The following DSG4 variants were observed in gnomAD, a reference collection of about 807,000 sequenced individuals.
DSG4 encodes the protein desmoglein-4.
Under a neutral mutation model 93.1 loss-of-function variants are expected in DSG4, and 87 were observed. The observed-to-expected ratio is 0.93, with a 90% confidence interval of 0.79 to 1.12. The LOEUF (loss-of-function observed/expected upper bound fraction) is 1.12, where lower values mean the gene tolerates loss of function less well. DSG4 is among the 50% of genes most tolerant of loss of function. The pLI is 0.00. For missense variants in DSG4, 1,373 were observed against 1,285.7 expected, an observed-to-expected ratio of 1.07 and a Z score of -1.04; for synonymous variants, 432 against 452.9, an observed-to-expected ratio of 0.95 and a Z score of 0.59.
At chr18:31,391,898 A>AAAAT (rs964472596) in intron 7 of DSG4, among the ~76,000 whole-genome samples, 25 of 152,230 alleles carry the variant, frequency 1.6e-4, no homozygotes, top group Non-Finnish European at 1.9e-4. Flanking sequence ...ACAATAAGCA[A>AAAAT]AAATAAATAA....
In DSG4 at chr18:31,379,801, AT is replaced by A. The variant is rs1273324082; in HGVS notation, c.48+2845del. 2.0e-5 allele frequency among the ~76,000 whole-genome samples: 3 copies of A among 152,308 alleles called. No individual in the cohort carries two copies. The East Asian group carries it at 5.8e-4, about 29-fold the overall frequency. On this transcript the variant is annotated intron_variant, in intron 1 of 15. Coordinates refer to ENST00000308128, the MANE Select transcript of DSG4 (RefSeq NM_177986.5). ...TGTTATTCTGAAACATGGAACAGAA[AT>A]TTGTTTCTATTTACTTGTCAGGCAG... is the stretch of plus-strand genomic sequence containing the variant.
chr18:31,406,238 G>A lies in DSG4; in HGVS notation c.1798G>A (p.Ala600Thr). ...CAACCACATGTGCCTGGACTCTGGT[G>A]CCGCGGGCATCTACACAGAGGACAT... ...DDNHMCLDSG[A>T]AGIYTEDITG... is the part of the protein sequence containing the mutation. Residue 600 changes from alanine (A) to threonine (T), a missense_variant, in exon 12 of 16, where the codon GCC becomes ACC. Transcript: ENST00000308128. 1 of 1,613,466 alleles carries A rather than the reference G, an allele frequency of 6.2e-7. No homozygotes were observed. Among genetic ancestry groups the A allele is most frequent in the Non-Finnish European group, 8.5e-7 (1 of 1,179,826 alleles).
At chr18:31,407,226 TGGGAGCCAGC>T in intron 12 of DSG4, among the ~76,000 whole-genome samples, 1 of 152,186 alleles carries the variant, frequency 6.6e-6, no homozygotes, top group East Asian at 1.9e-4. Flanking sequence ...AAAGGGAGTC[TGGGAGCCAGC>T]ATGGAGGCAT....
At chr18:31,398,543 T>C (rs1218502803) in intron 8 of DSG4, among the ~76,000 whole-genome samples, 1 of 152,224 alleles carries the variant, frequency 6.6e-6, no homozygotes, top group Non-Finnish European at 1.5e-5. Flanking sequence ...CCAGAACCCT[T>C]CTAAGCAGAC....
chr18:31,407,181 G>A (rs2072437776), intron 12 of DSG4, among the ~76,000 whole-genome samples: 1 of 152,148 alleles, frequency 6.6e-6, no homozygotes, highest in Non-Finnish European at 1.5e-5. Flanking sequence ...AGCAAGATAT[G>A]GAAGAGCATA....
In DSG4 at chr18:31,413,337, G is replaced by A. The variant is rs140503628; in HGVS notation, c.2865G>A (p.Glu955=). The change falls in exon 16 of 16, where the codon GAG becomes GAA. Residue 955 remains glutamate, a synonymous_variant. Transcript: ENST00000308128. The part of the protein sequence containing the change: ...DIQGNICVPA[E]LADYNNVIYA... ...AAGGGAATATTTGTGTACCTGCTGA[G>A]TTAGCAGATTACAACAATGTAATCT... The A allele has an allele frequency of 1.2e-6, 2 of 1,614,064 alleles. No individual in the cohort carries two copies. The highest frequency in any genetic ancestry group is 2.2e-5 in the South Asian group (2 of 91,084).
intron 8 of DSG4, among the ~76,000 whole-genome samples, chr18:31,398,330 G>C (rs2072327760): frequency 6.6e-6 from 1 of 152,140 alleles, no homozygotes; most frequent in African/African-American, 2.4e-5. Context: ...CATCTCCAAA[G>C]AAGAACCCAA....
chr18:31,409,212 T>A (rs1178713839), intron 12 of DSG4, among the ~76,000 whole-genome samples: 1 of 152,198 alleles, frequency 6.6e-6, no homozygotes, highest in East Asian at 1.9e-4. Context: ...GAAATTCAAT[T>A]ACCTGATCGC....
intron 6 of DSG4, 71 bp downstream of exon 6, chr18:31,390,893 G>A: frequency 2.6e-6 from 4 of 1,559,922 alleles, no homozygotes; most frequent in Non-Finnish European, 3.5e-6. Context: ...AATGATCCAT[G>A]TGTACCCTTA....
intron 1 of DSG4, among the ~76,000 whole-genome samples, chr18:31,384,561 AAAAT>A (rs757193118): frequency 2.6e-5 from 4 of 152,212 alleles, no homozygotes; most frequent in Non-Finnish European, 5.9e-5. Context: ...TAATAGGAGT[AAAAT>A]AAATTCCAAC....
In DSG4 at chr18:31,388,894, T is replaced by TTCA; in HGVS notation, c.394_396dup (p.Ser132dup). 6.2e-7 allele frequency: 1 copy of TTCA among 1,613,658 alleles called. No individual in the cohort carries two copies. On this transcript the variant is annotated inframe_insertion, in exon 5 of 16. Coordinates refer to ENST00000308128, the MANE Select transcript of DSG4 (RefSeq NM_177986.5). ...CACAGATCTATTGCCGGGCTCTGAATTCACGGGGTGAAGATTTAGAAAGGC... is the reference window on the plus strand; with the variant it reads ...CACAGATCTATTGCCGGGCTCTGAATTCATCACGGGGTGAAGATTTAGAAAGGC...
At chr18:31,402,535 C>G (rs1291383874) in intron 10 of DSG4, among the ~76,000 whole-genome samples, 1 of 152,092 alleles carries the variant, frequency 6.6e-6, no homozygotes, top group Non-Finnish European at 1.5e-5. Flanking sequence ...TAGGTAGGCT[C>G]TCAGTTTATT....
chr18:31,384,375 A>T (rs1278393175), intron 1 of DSG4, among the ~76,000 whole-genome samples: 1 of 152,212 alleles, frequency 6.6e-6, no homozygotes, highest in East Asian at 1.9e-4. Context: ...AGAAATTCCA[A>T]TAAAATAAAA....
At position 31,388,481 on chromosome 18, in the gene DSG4, A is replaced by C. The variant is rs368482528; in HGVS notation, c.331A>C (p.Ile111Leu). The change falls in exon 4 of 16, where the codon ATC becomes CTC. Residue 111 changes from isoleucine (I) to leucine (L), a missense_variant. Physicochemically the swap from Ile to Leu is conservative, Grantham distance 5 (BLOSUM62 2). Coordinates refer to ENST00000308128, the MANE Select transcript of DSG4 (RefSeq NM_177986.5). ...TINPRTGEIN[I>L]TSVVDREITP... The stretch of plus-strand genomic sequence containing the variant: ...TAATCCTCGCACTGGGGAAATTAAC[A>C]TCACTTCAGTGGTAGACAGAGAAAT... 3.7e-6 allele frequency: 6 copies of C among 1,613,448 alleles called. No individual in the cohort carries two copies. The East Asian group carries it at 8.9e-5, about 24-fold the overall frequency.
chr18:31,389,871 A>C (rs2072229614), intron 5 of DSG4, among the ~76,000 whole-genome samples: 1 of 152,146 alleles, frequency 6.6e-6, no homozygotes, highest in South Asian at 2.1e-4. Context: ...TGCCTAGGAG[A>C]GCCAACACAA....
chr18:31,406,061 C>T lies in DSG4; in HGVS notation c.1637-16C>T, dbSNP rs201562366. The T allele has an allele frequency of 3.7e-6, 6 of 1,613,676 alleles. No homozygotes were observed. In the Admixed American group the frequency reaches 1.0e-4, roughly 27 times the overall value. On this transcript the variant is annotated splice_polypyrimidine_tract_variant and intron_variant, in intron 11 of 15. Coordinates refer to ENST00000308128, the MANE Select transcript of DSG4 (RefSeq NM_177986.5). ...GGAATTTCCATTTATTTTCTGTTTC[C>T]TCTCTTCCATTTCAGCTACCTCGGC... is the stretch of plus-strand genomic sequence containing the variant.
At chr18:31,393,250 T>C (rs560503518) in intron 8 of DSG4, among the ~76,000 whole-genome samples, 1 of 152,234 alleles carries the variant, frequency 6.6e-6, no homozygotes, top group Non-Finnish European at 1.5e-5. Flanking sequence ...TTGTGGAATT[T>C]ACAGTGTGAT....
chr18:31,386,931 G>A (rs1422639795), intron 3 of DSG4, 112 bp downstream of exon 3: 3 of 1,539,194 alleles, frequency 1.9e-6, no homozygotes, highest in African/African-American at 2.7e-5. Context: ...AAGACAGAAT[G>A]TGGTCATTTG....
intron 1 of DSG4, 44 bp from the exon 2 acceptor site, chr18:31,385,092 A>C (rs774536264): frequency 1.3e-6 from 2 of 1,550,238 alleles, no homozygotes; most frequent in South Asian, 2.3e-5. Context: ...GCTTCCTCTA[A>C]ATTATGCAAA....
Sources: allele counts gnomAD v4.1 joint callset (sites outside exome capture counted in the v4.1 genomes callset), GRCh38; gene constraint gnomAD v4.1.1; transcripts MANE v1.5; gene names NCBI Gene and HGNC (gene_info 2026-07-23, HGNC 2026-07-21).